The following LRIG2 variants were observed in gnomAD, a reference collection of about 807,000 sequenced individuals.
LRIG2 encodes the protein leucine-rich repeats and immunoglobulin-like domains protein 2.
Under a neutral mutation model 107.8 loss-of-function variants are expected in LRIG2, and 93 were observed. The observed-to-expected ratio is 0.86, with a 90% CI of 0.73 to 1.03. LRIG2 has a LOEUF of 1.03. LRIG2 is among the 50% of genes least tolerant of loss of function. LRIG2 has a pLI of 0.00. For synonymous variants in LRIG2, 471 were observed against 470.6 expected, an observed-to-expected ratio of 1.00 and a Z score of -0.01; for missense variants, 1,226 against 1,296.0, an observed-to-expected ratio of 0.95 and a Z score of 0.83.
intron 1 of LRIG2, among the ~76,000 whole-genome samples, chr1:113,082,104 T>G (rs1653314688): frequency 6.6e-6 from 1 of 152,358 alleles, no homozygotes; most frequent in South Asian, 2.1e-4. Context: ...ACTGTTACAA[T>G]GAACTGTTTC....
At chr1:113,101,060 AT>A (rs1654287755) in intron 11 of LRIG2, among the ~76,000 whole-genome samples, 1 of 151,884 alleles carries the variant, frequency 6.6e-6, no homozygotes, top group South Asian at 2.1e-4. Context: ...CATTGGTATT[AT>A]TTATATTTAT....
At chr1:113,123,522 C>T (rs574601187) in intron 17 of LRIG2, among the ~76,000 whole-genome samples, 4 of 152,108 alleles carry the variant, frequency 2.6e-5, no homozygotes, top group East Asian at 1.9e-4. Context: ...TGCGGTGAGC[C>T]GAGATGACGC....
Position 113,130,466 on chromosome 1 carries a change from A to G in LRIG2, c.*6365A>G, listed in dbSNP as rs1348681983. The stretch of plus-strand genomic sequence containing the variant: ...TATTCCAGAAGACAGAGTTATACAC[A>G]GGGAGGTGTATTATATACTTGCTAA... On this transcript the variant is annotated 3_prime_UTR_variant, in exon 18 of 18. Transcript: ENST00000361127. 1 of 152,256 alleles carries G rather than the reference A, an allele frequency of 6.6e-6. No homozygotes were observed. Among genetic ancestry groups the G allele is most frequent in the Non-Finnish European group, 1.5e-5 (1 of 68,036 alleles). 9.4% of individuals were successfully genotyped at this position (152,256 alleles called of 1,614,324 possible).
chr1:113,102,185 A>G (rs1654333967), intron 11 of LRIG2, among the ~76,000 whole-genome samples: 1 of 152,214 alleles, frequency 6.6e-6, no homozygotes, highest in African/African-American at 2.4e-5. Context: ...AGCAGAGTAG[A>G]ATAATTAAAT....
rs376586063 is a variant in LRIG2 at position 113,095,979 on chromosome 1, C to T, written c.909C>T (p.Ser303=). The T allele has an allele frequency of 1.2e-6, 2 of 1,614,132 alleles. No homozygotes were observed. Among genetic ancestry groups the T allele is most frequent in the Non-Finnish European group, 1.7e-6 (2 of 1,180,024 alleles). ...YVSQNAIERI[S]PDAWEFCQRL... is the part of the protein sequence containing the mutation. ...GCCAGAATGCTATTGAAAGAATCAG[C>T]CCTGATGCATGGGAGTTCTGCCAAA... Residue 303 remains serine, a synonymous_variant, in exon 7 of 18, where the codon AGC becomes AGT. Coordinates refer to ENST00000361127, the MANE Select transcript of LRIG2 (RefSeq NM_014813.3).
chr1:113,110,224 G>A lies in LRIG2; in HGVS notation c.1478-18G>A, dbSNP rs1557914075. ...ATAAATAACTGACTTGGCTACGGAT[G>A]CATTTTTTTCCCCTTAGATGATTTT... is the stretch of plus-strand genomic sequence containing the variant. On this transcript the variant is annotated intron_variant, in intron 12 of 17. Coordinates refer to ENST00000361127, the MANE Select transcript of LRIG2 (RefSeq NM_014813.3). The A allele has an allele frequency of 6.5e-7, 1 of 1,529,412 alleles. No individual in the cohort carries two copies. The highest frequency in any genetic ancestry group is 1.4e-5 in the African/African-American group (1 of 72,058). 94.7% of individuals were successfully genotyped at this position (1,529,412 alleles called of 1,614,324 possible). A position where few individuals can be genotyped will look rare whatever the true frequency, so the allele number is the denominator to read the frequency against.
At position 113,124,637 on chromosome 1, in the gene LRIG2, C is replaced by CAAAG. The variant is rs1338418682; in HGVS notation, c.*538_*541dup. The CAAAG allele has an allele frequency of 4.6e-5, 7 of 153,138 alleles. No individual in the cohort carries two copies. Among genetic ancestry groups the CAAAG allele is most frequent in the African/African-American group, 1.7e-4 (7 of 41,322 alleles). The allele number at this position is 153,138 out of a possible 1,614,324, so 9.5% of individuals were successfully genotyped here. A position where few individuals can be genotyped will look rare whatever the true frequency, so the allele number is the denominator to read the frequency against. On this transcript the variant is annotated 3_prime_UTR_variant, in exon 18 of 18. Coordinates refer to ENST00000361127, the MANE Select transcript of LRIG2 (RefSeq NM_014813.3). ...CAGGCTTGACCAACTGGTACCAGGTCAAAGATTTTTGTATTCTTGTGAATT... is the reference window on the plus strand; with the variant it reads ...CAGGCTTGACCAACTGGTACCAGGTCAAAGAAAGATTTTTGTATTCTTGTGAATT...
At chr1:113,118,605 C>G (rs138259544) in intron 16 of LRIG2, among the ~76,000 whole-genome samples, 1 of 151,974 alleles carries the variant, frequency 6.6e-6, no homozygotes, top group East Asian at 1.9e-4. Context: ...GTGTAGTTTT[C>G]AAGAGCATGG....
chr1:113,088,129 T>C (rs986806867), intron 1 of LRIG2, among the ~76,000 whole-genome samples: 10 of 152,216 alleles, frequency 6.6e-5, no homozygotes, highest in African/African-American at 2.4e-4. Context: ...TCAGTTCACC[T>C]TTAGTGTTTT....
intron 4 of LRIG2, 46 bp downstream of exon 4, chr1:113,093,610 A>G: frequency 2.4e-6 from 1 of 423,840 alleles, no homozygotes; most frequent in Non-Finnish European, 4.1e-6. Flanking sequence ...GCACATGTTT[A>G]TGGGGACTGT....
intron 14 of LRIG2, 146 bp downstream of exon 14, chr1:113,112,906 T>C: frequency 2.3e-6 from 2 of 853,492 alleles, no homozygotes; most frequent in Non-Finnish European, 3.4e-6. Context: ...CAAGGTTATG[T>C]CAGTCTAGGA....
rs1159462537 is a variant in LRIG2 at position 113,124,019 on chromosome 1, C to A, written c.3116C>A (p.Ser1039Tyr). 3 of 1,614,106 alleles carry A rather than the reference C, an allele frequency of 1.9e-6. No individual in the cohort carries two copies. In the East Asian group the frequency reaches 6.7e-5, roughly 36 times the overall value. ...AGAGAGCCAGACTGTTCTGCTTCTT[C>A]CATGTCCTGCCACAGGTTACAGGAT... Reference protein sequence around the residue: ...AGREPDCSASSMSCHRLQDHA... With the variant: ...AGREPDCSASYMSCHRLQDHA... Residue 1039 changes from serine (S) to tyrosine (Y), a missense_variant, in exon 18 of 18, where the codon TCC becomes TAC. This residue lies in a region of LRIG2 where 642 missense variants were observed against 712.2 expected (regional missense o/e 0.90). Transcript: ENST00000361127.
At chr1:113,080,085 A>AT (rs1191330303) in intron 1 of LRIG2, among the ~76,000 whole-genome samples, 1 of 146,896 alleles carries the variant, frequency 6.8e-6, no homozygotes, top group Non-Finnish European at 1.5e-5. Flanking sequence ...CAGTGGCACA[A>AT]TCTCGGCTCA....
intron 2 of LRIG2, among the ~76,000 whole-genome samples, chr1:113,092,460 C>T (rs879843679): frequency 5.3e-5 from 8 of 152,118 alleles, no homozygotes; most frequent in Non-Finnish European, 1.2e-4. Context: ...TCAAGTAACA[C>T]TCTCTAACAT....
At position 113,128,590 on chromosome 1, in the gene LRIG2, G is replaced by T. The variant is rs1655577288; in HGVS notation, c.*4489G>T. The T allele has an allele frequency of 6.6e-6, 1 of 152,194 alleles. No individual in the cohort carries two copies. Among genetic ancestry groups the T allele is most frequent in the Non-Finnish European group, 1.5e-5 (1 of 68,032 alleles). The allele number at this position is 152,194 out of a possible 1,614,324, so 9.4% of individuals were successfully genotyped here. Reference sequence around the variant, plus strand: ...TGCTTTGGTGACATTTGTTCGAGTAGAACAAGAGTGATGCTGCTCATTCTG... The same window carrying T: ...TGCTTTGGTGACATTTGTTCGAGTATAACAAGAGTGATGCTGCTCATTCTG... On this transcript the variant is annotated 3_prime_UTR_variant, in exon 18 of 18. Transcript: ENST00000361127.
rs1246840469 is a variant in LRIG2, at chr1:113,093,219, A to G, written c.319A>G (p.Asn107Asp). The change falls in exon 3 of 18, where the codon AAT (asparagine) becomes GAT (aspartate). Residue 107 changes from asparagine (N) to aspartate (D), a missense_variant. By Grantham distance (23) the Asn-to-Asp change is conservative. Around this residue, in one of 3 missense-constraint regions of LRIG2, gnomAD observed 570 missense variants for 550.2 expected, o/e 1.04. Transcript: ENST00000361127. The stretch of plus-strand genomic sequence containing the variant: ...CCTCTTGCCTAGGAAAATGAATTAC[A>G]ATGAACTAACAGAAATCCCGTATTT... ...QTLQEVKMNY[N>D]ELTEIPYFGE... 18 of 1,594,472 alleles carry G rather than the reference A, an allele frequency of 1.1e-5. No homozygotes were observed. The highest frequency in any genetic ancestry group is 1.7e-4 in the Middle Eastern group (1 of 6,016).
intron 1 of LRIG2, among the ~76,000 whole-genome samples, chr1:113,079,607 C>G (rs776413497): frequency 1.4e-5 from 2 of 142,560 alleles, no homozygotes; most frequent in African/African-American, 2.6e-5. Flanking sequence ...CGCTTGAGCC[C>G]GGGAGGCAGA....
chr1:113,118,922 C>T (rs534783124), intron 16 of LRIG2, among the ~76,000 whole-genome samples: 1 of 152,282 alleles, frequency 6.6e-6, no homozygotes, highest in African/African-American at 2.4e-5. Flanking sequence ...CCTCGGCCTC[C>T]CAAAGTGCTG....
chr1:113,118,090 T>G (rs1655092601), intron 16 of LRIG2, among the ~76,000 whole-genome samples: 2 of 152,100 alleles, frequency 1.3e-5, no homozygotes, highest in African/African-American at 4.8e-5. Context: ...CGGCTTATTT[T>G]GTATTTTTAG....
Sources: gnomAD v4.1 joint callset for allele counts (sites outside exome capture counted in the v4.1 genomes callset) on GRCh38, gnomAD v4.1.1 for gene constraint, gnomAD v4.1.1 regional missense constraint, MANE v1.5 for transcripts, NCBI Gene and HGNC (gene_info 2026-07-23, HGNC 2026-07-21) for gene names.